Variants in USP47 observed in about 807,000 individuals in gnomAD.
USP47 encodes ubiquitin specific peptidase 47, also known as ubiquitin carboxyl-terminal hydrolase 47.
In USP47, 35 loss-of-function variants were observed where a neutral mutation model predicts 165.1. The observed-to-expected ratio is 0.21, with a 90% CI of 0.16 to 0.28. The LOEUF (loss-of-function observed/expected upper bound fraction) is 0.28, where lower values mean the gene tolerates loss of function less well. Among genes scored for constraint, USP47 ranks in the 10% least tolerant of loss-of-function variants. USP47 has a pLI of 1.00. For synonymous variants in USP47, 531 were observed against 544.5 expected (o/e 0.98, Z 0.35); for missense variants, 1,277 against 1,607.4 (o/e 0.79, Z 3.52).
intron 1 of USP47, among the ~76,000 whole-genome samples, chr11:11,853,553 A>T (rs1848846874): frequency 6.6e-6 from 1 of 152,188 alleles, no homozygotes; most frequent in African/African-American, 2.4e-5. Flanking sequence ...GTAAGAAGGG[A>T]TGGATGTAGA....
chr11:11,946,025 TTTTAAGG>T (rs1231346626), intron 20 of USP47, among the ~76,000 whole-genome samples: 1 of 151,060 alleles, frequency 6.6e-6, no homozygotes, highest in East Asian at 1.9e-4. Context: ...CATAAATACA[TTTTAAGG>T]TTGTTCTGTG....
At chr11:11,853,494 G>T (rs995292463) in intron 1 of USP47, among the ~76,000 whole-genome samples, 1 of 152,166 alleles carries the variant, frequency 6.6e-6, no homozygotes, top group Non-Finnish European at 1.5e-5. Context: ...TCACATCGAC[G>T]TTCTTAAAGA....
chr11:11,859,175 G>A (rs926516044), intron 1 of USP47, among the ~76,000 whole-genome samples: 1 of 151,994 alleles, frequency 6.6e-6, no homozygotes, highest in Non-Finnish European at 1.5e-5. Flanking sequence ...GCTTAATCCA[G>A]CATCCTTTAT....
At chr11:11,889,249 A>AG (rs1392144981) in intron 3 of USP47, among the ~76,000 whole-genome samples, 2 of 152,188 alleles carry the variant, frequency 1.3e-5, no homozygotes, top group East Asian at 3.8e-4. Context: ...TAGGAAAAGA[A>AG]GAAGTCAGAT....
Position 11,959,609 on chromosome 11 carries a change from C to G in USP47, c.*3434C>G, listed in dbSNP as rs1847366560. 6.6e-6 allele frequency among the ~76,000 whole-genome samples: 1 copy of G among 152,208 alleles called. No individual in the cohort carries two copies. The highest frequency in any genetic ancestry group is 2.4e-5 in the African/African-American group (1 of 41,450). On this transcript the variant is annotated 3_prime_UTR_variant, in exon 28 of 28. Transcript: ENST00000527733. ...TTAGATACAGCATTAATTGTCACAA[C>G]TTGACTTTCAGAAACAAGAATACTG... is the stretch of plus-strand genomic sequence containing the variant.
chr11:11,868,105 G>C (rs1326801651), intron 1 of USP47, among the ~76,000 whole-genome samples: 1 of 152,170 alleles, frequency 6.6e-6, no homozygotes, highest in Non-Finnish European at 1.5e-5. Context: ...ACATTTACTT[G>C]TAGTTTGGAG....
At chr11:11,891,597 C>T (rs1003937471) in intron 3 of USP47, among the ~76,000 whole-genome samples, 1 of 152,178 alleles carries the variant, frequency 6.6e-6, no homozygotes, top group African/African-American at 2.4e-5. Flanking sequence ...GTCCCTTAAT[C>T]CTTTTCAGCA....
intron 24 of USP47, chr11:11,951,799 T>G (rs185469597): frequency 2.6e-5 from 4 of 152,228 alleles, no homozygotes; most frequent in Non-Finnish European, 5.9e-5. Context: ...CCATCTACTA[T>G]GGTGTGTAGG....
chr11:11,930,658 C>T, intron 13 of USP47, 38 bp from the exon 14 acceptor site: 1 of 1,458,178 alleles, frequency 6.9e-7, no homozygotes, highest in South Asian at 1.2e-5. Flanking sequence ...TTTTAATCTA[C>T]TTTTTGTCCT....
Position 11,943,091 on chromosome 11 carries a change from G to A in USP47, c.3070G>A (p.Gly1024Ser). Residue 1024 changes from glycine to serine, a missense_variant, in exon 20 of 28, where the codon GGT becomes AGT. Gly to Ser is a moderately conservative substitution (Grantham distance 56). Coordinates refer to ENST00000527733, the MANE Select transcript of USP47 (RefSeq NM_001282659.2). The part of the protein sequence containing the change: ...FKAEPYAADE[G>S]SGEGHKWLMV... Reference sequence around the variant, plus strand: ...AGCTGAACCTTATGCTGCAGATGAAGGTTCTGGGGAAGGACATAAATGTAT... The same window carrying A: ...AGCTGAACCTTATGCTGCAGATGAAAGTTCTGGGGAAGGACATAAATGTAT... 1.2e-6 allele frequency: 2 copies of A among 1,611,956 alleles called. No homozygotes were observed. Among genetic ancestry groups the A allele is most frequent in the East Asian group, 4.5e-5 (2 of 44,848 alleles).
chr11:11,933,149 G>C (rs764258047), intron 15 of USP47, 33 bp downstream of exon 15: 3 of 1,582,150 alleles, frequency 1.9e-6, no homozygotes, highest in Non-Finnish European at 2.6e-6. Context: ...TTAATTGAAA[G>C]TGCTATTTTT....
Position 11,930,065 on chromosome 11 carries a change from A to G in USP47, c.1540A>G (p.Lys514Glu), listed in dbSNP as rs1374878510. 1 of 1,613,462 alleles carries G rather than the reference A, an allele frequency of 6.2e-7. No individual in the cohort carries two copies. Among genetic ancestry groups the G allele is most frequent in the African/African-American group, 1.3e-5 (1 of 75,044 alleles). Residue 514 changes from lysine (K) to glutamate (E), a missense_variant, in exon 13 of 28, where the codon AAA (lysine) becomes GAA (glutamate). By Grantham distance (56) the Lys-to-Glu change is moderately conservative. Transcript: ENST00000527733. ...VSRITQEDIK[K>E]THGGSSGSRG... ...TCAGATAACACAAGAGGACATTAAG[A>G]AAACACATGGTGGATCTTCAGGAAG... is the stretch of plus-strand genomic sequence containing the variant.
chr11:11,875,033 T>TTTTG (rs1850303610), intron 1 of USP47, among the ~76,000 whole-genome samples: 1 of 95,426 alleles, frequency 1.0e-5, no homozygotes, highest in Admixed American at 9.5e-5. Flanking sequence ...AATTGACTTA[T>TTTTG]TGTGTGTGTG....
At chr11:11,933,168 T>G (rs1264747476) in intron 15 of USP47, 52 bp downstream of exon 15, 1 of 1,407,386 alleles carries the variant, frequency 7.1e-7, no homozygotes, top group Non-Finnish European at 9.9e-7. Context: ...TTAAGCTCGC[T>G]TACCTGCAAT....
intron 1 of USP47, among the ~76,000 whole-genome samples, chr11:11,851,364 G>A (rs186367304): frequency 5.8e-4 from 89 of 152,236 alleles, no homozygotes; most frequent in Middle Eastern, 6.8e-3. Flanking sequence ...GAGGTCTGGG[G>A]ATTTTCACTA....
intron 1 of USP47, among the ~76,000 whole-genome samples, chr11:11,867,740 C>T (rs551216141): frequency 6.6e-6 from 1 of 152,294 alleles, no homozygotes; most frequent in East Asian, 1.9e-4. Context: ...TTTTCTTATA[C>T]TTATGAAAAT....
chr11:11,873,921 T>TA (rs1218976558), intron 1 of USP47: 1 of 986,932 alleles, frequency 1.0e-6, no homozygotes, highest in Non-Finnish European at 1.4e-6. Flanking sequence ...AGCATGTTAG[T>TA]ATTTTTATTT....
intron 4 of USP47, 99 bp from the exon 5 acceptor site, chr11:11,897,496 CTT>C: frequency 6.7e-6 from 6 of 899,204 alleles, no homozygotes; most frequent in Non-Finnish European, 8.4e-6. Flanking sequence ...TGAGTAGTAA[CTT>C]TAACCTCTGA....
intron 3 of USP47, 195 bp downstream of exon 3, chr11:11,884,775 G>C (rs1202773936): frequency 2.1e-6 from 1 of 484,382 alleles, no homozygotes; most frequent in Admixed American, 3.9e-5. Context: ...AACATTATTT[G>C]TGTATACAGT....
Sources: allele counts gnomAD v4.1 joint callset (sites outside exome capture counted in the v4.1 genomes callset), GRCh38; gene constraint gnomAD v4.1.1; transcripts MANE v1.5; gene names NCBI Gene and HGNC (gene_info 2026-07-23, HGNC 2026-07-21).